The following IQSEC1 variants were observed in gnomAD, a reference collection of about 807,000 sequenced individuals.
The protein encoded by IQSEC1 is IQ motif and Sec7 domain ArfGEF 1.
Under a neutral mutation model 91.0 loss-of-function variants are expected in IQSEC1, and 31 were observed. The ratio of observed to expected loss-of-function variants is 0.34; its 90% CI spans 0.26 to 0.46. The LOEUF is 0.46. Ranked by LOEUF, IQSEC1 falls within the 20% of genes least tolerant of loss-of-function variation. The pLI is 1.00. For synonymous variants in IQSEC1, 699 were observed against 662.6 expected (o/e 1.05, Z -0.84); for missense variants, 1,388 against 1,575.6 (o/e 0.88, Z 2.02).
At chr3:13,276,394 A>T (rs1271398465) in intron 1 of IQSEC1, among the ~76,000 whole-genome samples, 4 of 152,064 alleles carry the variant, frequency 2.6e-5, no homozygotes, top group Non-Finnish European at 5.9e-5. Context: ...GGCCTCCTTC[A>T]AAGCATTCTT....
At chr3:13,021,271 T>A (rs55788602) in intron 1 of IQSEC1, among the ~76,000 whole-genome samples, 2,118 of 152,244 alleles carry the variant, frequency 0.014, 22 homozygotes, top group Non-Finnish European at 0.022. Context: ...GCCGCAGCGA[T>A]CACAGATGGT....
chr3:12,902,857 G>C (rs188906230), intron 12 of IQSEC1, 35 bp from the exon 13 acceptor site: 14 of 1,560,466 alleles, frequency 9.0e-6, no homozygotes, highest in South Asian at 1.1e-5. Flanking sequence ...AGTTAGACGC[G>C]GACATGAGGC....
At chr3:12,961,416 G>A (rs1458716260) in intron 1 of IQSEC1, among the ~76,000 whole-genome samples, 5 of 152,236 alleles carry the variant, frequency 3.3e-5, no homozygotes, top group African/African-American at 9.6e-5. Flanking sequence ...CACAGGCAAA[G>A]CGATTTTCTT....
At chr3:13,016,781 A>AC (rs1703153059) in intron 1 of IQSEC1, among the ~76,000 whole-genome samples, 1 of 152,100 alleles carries the variant, frequency 6.6e-6, no homozygotes, top group Non-Finnish European at 1.5e-5. Context: ...CATACAACTC[A>AC]CCCATTTAAA....
chr3:13,251,754 AAAG>A (rs1695197134), intron 1 of IQSEC1, among the ~76,000 whole-genome samples: 1 of 152,202 alleles, frequency 6.6e-6, no homozygotes, highest in African/African-American at 2.4e-5. Flanking sequence ...TCAATGTCCA[AAAG>A]AAGACTCCTG....
At chr3:13,209,877 G>A (rs1036682576) in intron 1 of IQSEC1, among the ~76,000 whole-genome samples, 7 of 152,168 alleles carry the variant, frequency 4.6e-5, no homozygotes, top group African/African-American at 1.4e-4. Context: ...CTGGGGCTGA[G>A]TCCCTCACAT....
intron 2 of IQSEC1, among the ~76,000 whole-genome samples, chr3:13,123,284 A>T (rs1485121087): frequency 6.6e-6 from 1 of 152,216 alleles, no homozygotes; most frequent in Non-Finnish European, 1.5e-5. Context: ...GCCCCTTCAT[A>T]ATTTATTTCA....
chr3:12,926,453 T>C (rs560582520), intron 3 of IQSEC1, among the ~76,000 whole-genome samples: 1 of 152,324 alleles, frequency 6.6e-6, no homozygotes, highest in East Asian at 1.9e-4. Context: ...CCAGACTGGC[T>C]CCATGTCCCC....
At chr3:12,964,299 T>TACACACACAC (rs3072719) in intron 1 of IQSEC1, among the ~76,000 whole-genome samples, 49,590 of 149,670 alleles carry the variant, frequency 0.33, 8,600 homozygotes, top group Middle Eastern at 0.41. Flanking sequence ...ATACTCCCCC[T>TACACACACAC]ACACACACAC....
chr3:13,032,760 A>G (rs1246260676), intron 1 of IQSEC1, among the ~76,000 whole-genome samples: 1 of 151,906 alleles, frequency 6.6e-6, no homozygotes, highest in African/African-American at 2.4e-5. Context: ...ATTTTTTTGT[A>G]TTTTTAATAG....
chr3:13,213,288 G>A (rs533295713), intron 1 of IQSEC1, among the ~76,000 whole-genome samples: 76 of 152,218 alleles, frequency 5.0e-4, no homozygotes, highest in Non-Finnish European at 8.8e-4. Context: ...AGCATTTGTT[G>A]AGGAGGCTGT....
chr3:13,260,101 G>T (rs1033262650), intron 1 of IQSEC1, among the ~76,000 whole-genome samples: 4 of 152,212 alleles, frequency 2.6e-5, no homozygotes, highest in Non-Finnish European at 5.9e-5. Flanking sequence ...TTGCAGGGCT[G>T]GAGGAAGAGG....
At chr3:13,153,989 T>C (rs544416789) in intron 2 of IQSEC1, among the ~76,000 whole-genome samples, 25 of 152,182 alleles carry the variant, frequency 1.6e-4, no homozygotes, top group African/African-American at 5.5e-4. Context: ...AAGGTCATCA[T>C]GAGGCAGGGC....
chr3:13,272,732 G>A (rs77609282), intron 1 of IQSEC1, among the ~76,000 whole-genome samples: 3,060 of 152,258 alleles, frequency 0.02, 87 homozygotes, highest in African/African-American at 0.069. Context: ...GCTGTGGGAG[G>A]GGGATGGAAC....
intron 1 of IQSEC1, among the ~76,000 whole-genome samples, chr3:13,068,154 G>A (rs1438473597): frequency 1.3e-5 from 2 of 152,356 alleles, no homozygotes; most frequent in South Asian, 2.1e-4. Context: ...CCGGGGCTGG[G>A]GCCAATCCAG....
At chr3:13,153,041 C>CG (rs370233265) in intron 2 of IQSEC1, among the ~76,000 whole-genome samples, 4 of 151,532 alleles carry the variant, frequency 2.6e-5, no homozygotes, top group African/African-American at 9.7e-5. Flanking sequence ...CATGCCTCCC[C>CG]GCCTTTTCTT....
intron 2 of IQSEC1, among the ~76,000 whole-genome samples, chr3:13,090,943 G>A (rs1705849375): frequency 6.6e-6 from 1 of 152,146 alleles, no homozygotes; most frequent in African/African-American, 2.4e-5. Context: ...CCCAGCCGCG[G>A]GGACAGCACT....
intron 6 of IQSEC1, among the ~76,000 whole-genome samples, chr3:12,919,676 C>CA (rs1696429592): frequency 6.6e-6 from 1 of 152,270 alleles, no homozygotes; most frequent in Non-Finnish European, 1.5e-5. Flanking sequence ...AAGGAACCCT[C>CA]AGCCCCTGTT....
chr3:13,279,154 C>G (rs1344460431), intron 1 of IQSEC1, among the ~76,000 whole-genome samples: 1 of 152,212 alleles, frequency 6.6e-6, no homozygotes, highest in African/African-American at 2.4e-5. Flanking sequence ...TGAAGTTCAA[C>G]TGACTTTCTA....
Sources: allele counts gnomAD v4.1 joint callset (sites outside exome capture counted in the v4.1 genomes callset), GRCh38; gene constraint gnomAD v4.1.1; transcripts MANE v1.5; gene names NCBI Gene and HGNC (gene_info 2026-07-23, HGNC 2026-07-21).